PACS2: variants seen among roughly 807,000 people sequenced by gnomAD.
PACS2 encodes the protein PACS1-like protein.
A neutral mutation model predicts 113.0 loss-of-function variants in PACS2; 36 were observed. That is an observed-to-expected ratio of 0.32 (90% CI 0.24 to 0.42). The LOEUF is 0.42. PACS2 is among the 10% of genes least tolerant of loss of function. PACS2 has a pLI of 1.00. For synonymous variants in PACS2, 589 were observed against 536.1 expected, an observed-to-expected ratio of 1.10 and a Z score of -1.36; for missense variants, 1,015 against 1,239.5, an observed-to-expected ratio of 0.82 and a Z score of 2.72.
intron 20 of PACS2, 53 bp downstream of exon 20, chr14:105,390,056 C>T (rs2081305071): frequency 1.2e-5 from 18 of 1,480,482 alleles, no homozygotes; most frequent in East Asian, 4.5e-5. Flanking sequence ...GCCAACTTGT[C>T]GTTTACAGTC....
Position 105,396,666 on chromosome 14 carries a change from AT to A in PACS2, c.*2002del, listed in dbSNP as rs587614454. Reference sequence around the variant, plus strand: ...CAGGCGTGTGCCACCACACCTGGCTATTTTTTTTGTATTTTTAGTAGAGATG... The same window carrying A: ...CAGGCGTGTGCCACCACACCTGGCTATTTTTTTGTATTTTTAGTAGAGATG... On this transcript the variant is annotated 3_prime_UTR_variant, in exon 25 of 25. Transcript: ENST00000447393. The A allele has an allele frequency of 3.3e-5, 5 of 150,328 alleles. No individual in the cohort carries two copies. The highest frequency in any genetic ancestry group is 2.0e-4 in the East Asian group (1 of 5,100). 9.3% of individuals were successfully genotyped at this position (150,328 alleles called of 1,614,324 possible).
intron 17 of PACS2, among the ~76,000 whole-genome samples, chr14:105,384,673 G>A (rs1244504413): frequency 2.6e-5 from 4 of 152,218 alleles, no homozygotes; most frequent in African/African-American, 7.2e-5. Flanking sequence ...CTGGGAAGGG[G>A]CGGGCACAGC....
At chr14:105,387,208 C>T (rs587731075) in intron 19 of PACS2, among the ~76,000 whole-genome samples, 7 of 152,332 alleles carry the variant, frequency 4.6e-5, no homozygotes, top group East Asian at 1.9e-4. Flanking sequence ...AGAGTGCAGG[C>T]GGTGGCACAG....
chr14:105,365,000 A>G (rs950972372), intron 4 of PACS2, among the ~76,000 whole-genome samples: 1 of 152,150 alleles, frequency 6.6e-6, no homozygotes, highest in Non-Finnish European at 1.5e-5. Flanking sequence ...GCCCGGCCTC[A>G]ATTTTCCTAG....
At chr14:105,384,042 C>T (rs1245156180) in intron 16 of PACS2, 1 of 387,700 alleles carries the variant, frequency 2.6e-6, no homozygotes, top group Non-Finnish European at 4.7e-6. Flanking sequence ...CCCGTGTGGC[C>T]CTCACGATGC....
At chr14:105,308,513 T>C (rs2058257478) in intron 1 of PACS2, among the ~76,000 whole-genome samples, 1 of 149,344 alleles carries the variant, frequency 6.7e-6, no homozygotes, top group Non-Finnish European at 1.5e-5. Flanking sequence ...GATGGAGTCT[T>C]GCTCTGTCGT....
At position 105,368,161 on chromosome 14, in the gene PACS2, G is replaced by T; in HGVS notation, c.660+14G>T. 6.3e-7 allele frequency: 1 copy of T among 1,576,066 alleles called. No individual in the cohort carries two copies. On this transcript the variant is annotated intron_variant, in intron 6 of 24. Transcript: ENST00000447393. ...GTGCAGGGGCAGGTGACCTGGGGCC[G>T]GGGCTCCGCGCCCTCTCCTGGCTCA... is the stretch of plus-strand genomic sequence containing the variant.
At chr14:105,375,481 CAAAAAAAAAA>C (rs34549878) in intron 8 of PACS2, among the ~76,000 whole-genome samples, 2 of 51,410 alleles carry the variant, frequency 3.9e-5, no homozygotes, top group African/African-American at 1.2e-4. Flanking sequence ...GACTCCATCT[CAAAAAAAAAA>C]AAAAAAAAAA....
In PACS2 at chr14:105,356,370, G is replaced by T. The variant is rs973050734; in HGVS notation, c.423+1193G>T. 6.6e-6 allele frequency among the ~76,000 whole-genome samples: 1 copy of T among 152,196 alleles called. No individual in the cohort carries two copies. Among genetic ancestry groups the T allele is most frequent in the African/African-American group, 2.4e-5 (1 of 41,458 alleles). ...CGAGGCCTCGCTTCTCCGTGCCGCC[G>T]CAGGGCCTCAGACAAGCTTTGCAGT... On this transcript the variant is annotated intron_variant, in intron 4 of 24. Coordinates refer to ENST00000447393, the MANE Select transcript of PACS2 (RefSeq NM_001100913.3). This position sits in a 1 kb window ranked among gnomAD's most constrained non-coding sequence, Gnocchi z 4.0.
chr14:105,394,492 C>CA, intron 24 of PACS2, 62 bp from the exon 25 acceptor site: 1 of 1,596,212 alleles, frequency 6.3e-7, no homozygotes, highest in Non-Finnish European at 8.5e-7. Flanking sequence ...GCCAGGCAGG[C>CA]AGGTGGATAG....
chr14:105,327,878 G>A (rs2059179730), intron 1 of PACS2, among the ~76,000 whole-genome samples: 1 of 151,260 alleles, frequency 6.6e-6, no homozygotes, highest in African/African-American at 2.4e-5. Context: ...ACCATTGACA[G>A]CCGAGCCTTG....
At chr14:105,328,812 ATC>A (rs2059208056) in intron 1 of PACS2, among the ~76,000 whole-genome samples, 1 of 152,124 alleles carries the variant, frequency 6.6e-6, no homozygotes. Flanking sequence ...ATTCCAGTGA[ATC>A]TCTTGCCTGC....
chr14:105,315,091 T>C lies in PACS2; in HGVS notation c.119+54T>C. The C allele has an allele frequency of 1.9e-6, 2 of 1,045,444 alleles. No individual in the cohort carries two copies. Among genetic ancestry groups the C allele is most frequent in the Non-Finnish European group, 1.2e-6 (1 of 861,886 alleles). 64.8% of individuals were successfully genotyped at this position (1,045,444 alleles called of 1,614,324 possible). A position where few individuals can be genotyped will look rare whatever the true frequency, so the allele number is the denominator to read the frequency against. On this transcript the variant is annotated intron_variant, in intron 1 of 24. Transcript: ENST00000447393. This position sits in a 1 kb window ranked among gnomAD's most constrained non-coding sequence, Gnocchi z 4.4. ...CGCCGGGCACCTGCTGGGGGTGTCC[T>C]GGCCGCGGCCTCTGCGCGCCCCATC...
intron 2 of PACS2, among the ~76,000 whole-genome samples, chr14:105,351,352 C>T (rs899652219): frequency 6.6e-6 from 1 of 152,210 alleles, no homozygotes; most frequent in Non-Finnish European, 1.5e-5. Flanking sequence ...TTAGCAGGTG[C>T]GTGTGATGTC....
In PACS2 at chr14:105,383,494, C is replaced by T. The variant is rs1555412720; in HGVS notation, c.1761C>T (p.Arg587=). 6.3e-7 allele frequency: 1 copy of T among 1,599,332 alleles called. No individual in the cohort carries two copies. Among genetic ancestry groups the T allele is most frequent in the Admixed American group, 1.7e-5 (1 of 59,630 alleles). ...CACCCGACTGGCTCGGCTACATGCG[C>T]TTCCTGGTCATCCCACTGGGTGAGC... ...HKTPDWLGYM[R]FLVIPLGSHP... Residue 587 remains arginine, a synonymous_variant, in exon 16 of 25, where the codon CGC becomes CGT. Transcript: ENST00000447393.
chr14:105,302,209 T>TC (rs1343432973), intron 1 of PACS2, among the ~76,000 whole-genome samples: 1 of 150,152 alleles, frequency 6.7e-6, no homozygotes, highest in Admixed American at 6.6e-5. Flanking sequence ...TCTTTCTTTT[T>TC]TTTTTTTTTT....
intron 1 of PACS2, among the ~76,000 whole-genome samples, chr14:105,302,145 TC>T (rs1457158804): frequency 1.4e-5 from 2 of 143,040 alleles, no homozygotes; most frequent in Non-Finnish European, 1.5e-5. Flanking sequence ...AAACTCTGTC[TC>T]AAAAAAAAAA....
At chr14:105,349,529 T>C (rs1472685230) in intron 2 of PACS2, among the ~76,000 whole-genome samples, 1 of 152,228 alleles carries the variant, frequency 6.6e-6, no homozygotes, top group Non-Finnish European at 1.5e-5. Flanking sequence ...TCTCCGGGTC[T>C]CCCCGACCTG....
intron 2 of PACS2, among the ~76,000 whole-genome samples, chr14:105,349,512 C>G (rs2060076106): frequency 6.6e-6 from 1 of 152,248 alleles, no homozygotes; most frequent in African/African-American, 2.4e-5. Flanking sequence ...GTGGCTCTGA[C>G]ACGGGGTCTC....
Sources: allele counts gnomAD v4.1 joint callset (sites outside exome capture counted in the v4.1 genomes callset), GRCh38; gene constraint gnomAD v4.1.1; non-coding constraint Gnocchi (gnomAD v3.1); transcripts MANE v1.5; gene names NCBI Gene and HGNC (gene_info 2026-07-23, HGNC 2026-07-21).